The following LRRN3 variants were observed in gnomAD, a reference collection of about 807,000 sequenced individuals.
LRRN3 encodes leucine rich repeat neuronal 3, also known as leucine-rich repeat neuronal protein 3.
Under a neutral mutation model 40.1 loss-of-function variants are expected in LRRN3, and 15 were observed. The ratio of observed to expected loss-of-function variants is 0.37; its 90% CI spans 0.25 to 0.58. LRRN3 has a LOEUF of 0.58. LRRN3 is among the 20% of genes least tolerant of loss of function. The probability of loss-of-function intolerance (pLI) is 0.72; values close to 1 mark genes in which losing one functional copy is unlikely to be tolerated. For missense variants in LRRN3, 746 were observed against 837.7 expected, an observed-to-expected ratio of 0.89 and a Z score of 1.35; for synonymous variants, 308 against 297.2, an observed-to-expected ratio of 1.04 and a Z score of -0.37.
intron 2 of LRRN3, among the ~76,000 whole-genome samples, chr7:111,116,875 T>C (rs1799941022): frequency 6.6e-6 from 1 of 152,042 alleles, no homozygotes; most frequent in African/African-American, 2.4e-5. Context: ...AAATAAACAT[T>C]TGAGAGAAAG....
rs988971819 is a variant in LRRN3, at chr7:111,122,978, C to G, written c.206C>G (p.Ala69Gly). 24 of 1,613,914 alleles carry G rather than the reference C, an allele frequency of 1.5e-5. No individual in the cohort carries two copies. Among genetic ancestry groups the G allele is most frequent in the Non-Finnish European group, 2.0e-5 (24 of 1,179,960 alleles). ...TTAACTTTCCCAGCCAGATTGCCAGCTAACACACAGATTCTTCTCCTACAG... is the reference window on the plus strand; with the variant it reads ...TTAACTTTCCCAGCCAGATTGCCAGGTAACACACAGATTCTTCTCCTACAG... ...GLLTFPARLPANTQILLLQTN... is the reference protein window; with the variant it reads ...GLLTFPARLPGNTQILLLQTN... Residue 69 changes from alanine to glycine, a missense_variant, in exon 3 of 3, where the codon GCT becomes GGT. Ala to Gly is a moderately conservative substitution (Grantham distance 60). Coordinates refer to ENST00000308478, the MANE Select transcript of LRRN3 (RefSeq NM_001099658.2).
At chr7:111,091,546 T>A (rs970220098) in intron 1 of LRRN3, 42 bp downstream of exon 1, 6 of 152,202 alleles carry the variant, frequency 3.9e-5, no homozygotes, top group Non-Finnish European at 8.8e-5. Flanking sequence ...ACGTTCTATT[T>A]CTTGTCTCTT....
Position 111,123,786 on chromosome 7 carries a change from A to C in LRRN3, c.1014A>C (p.Ser338=), listed in dbSNP as rs886088738. 7 of 1,613,832 alleles carry C rather than the reference A, an allele frequency of 4.3e-6. No individual in the cohort carries two copies. The African/African-American group carries it at 6.7e-5, about 15-fold the overall frequency. ...NAFFRLPKLE[S]LMLNSNALSA... ...TTTTCAGACTCCCCAAGCTGGAATC[A>C]CTCATGCTGAACAGCAATGCTCTCA... is the stretch of plus-strand genomic sequence containing the variant. The change falls in exon 3 of 3, where the codon TCA becomes TCC. Residue 338 remains serine (S), a synonymous_variant. Coordinates refer to ENST00000308478, the MANE Select transcript of LRRN3 (RefSeq NM_001099658.2). This position sits in a 1 kb window ranked among gnomAD's most constrained non-coding sequence, Gnocchi z 6.4.
intron 2 of LRRN3, among the ~76,000 whole-genome samples, chr7:111,108,470 G>A (rs1798799297): frequency 6.6e-6 from 1 of 151,954 alleles, no homozygotes; most frequent in Non-Finnish European, 1.5e-5. Context: ...TATTACTAGA[G>A]ATATAATATA....
intron 1 of LRRN3, among the ~76,000 whole-genome samples, chr7:111,099,458 T>G (rs1309689042): frequency 1.3e-5 from 2 of 151,770 alleles, no homozygotes; most frequent in African/African-American, 2.4e-5. Flanking sequence ...AAACTGAGGA[T>G]GCTGAGCCAA....
At chr7:111,105,669 G>C (rs1309794453) in intron 2 of LRRN3, among the ~76,000 whole-genome samples, 2 of 151,674 alleles carry the variant, frequency 1.3e-5, no homozygotes, top group African/African-American at 4.8e-5. Context: ...TCTCCTGACA[G>C]GTCTATTTTC....
At chr7:111,103,628 GTAAGTT>G (rs1180042660) in intron 2 of LRRN3, among the ~76,000 whole-genome samples, 5 of 151,588 alleles carry the variant, frequency 3.3e-5, no homozygotes, top group African/African-American at 4.8e-5. Context: ...ATTTTCACCT[GTAAGTT>G]TAAGTTACAG....
intron 2 of LRRN3, among the ~76,000 whole-genome samples, chr7:111,104,089 A>T (rs966083974): frequency 3.3e-5 from 5 of 151,712 alleles, no homozygotes; most frequent in African/African-American, 1.2e-4. Context: ...ACAACTCTTC[A>T]TATCTCTGAG....
rs139997890 is a variant in LRRN3, at chr7:111,093,757, G to A, written c.-441+2253G>A. Among the ~76,000 whole-genome samples, 634 of 152,184 alleles carry A rather than the reference G, an allele frequency of 4.2e-3. 7 individuals carry two copies. Among genetic ancestry groups the A allele is most frequent in the African/African-American group, 0.015 (610 of 41,512 alleles). ...GTTTGGTGATTTGATCAGCACCTAC[G>A]AATGCCAGATGATGGACATTTGTGT... On this transcript the variant is annotated intron_variant, in intron 1 of 2. Transcript: ENST00000308478.
At chr7:111,098,357 C>T (rs988685186) in intron 1 of LRRN3, among the ~76,000 whole-genome samples, 2 of 151,726 alleles carry the variant, frequency 1.3e-5, no homozygotes, top group Non-Finnish European at 2.9e-5. Flanking sequence ...AAACCATTTC[C>T]TCAATCAATT....
chr7:111,111,818 C>A (rs559705394), intron 2 of LRRN3, among the ~76,000 whole-genome samples: 1 of 150,176 alleles, frequency 6.7e-6, no homozygotes. Flanking sequence ...CCATCCTGGG[C>A]GACAAAAGGA....
Position 111,123,110 on chromosome 7 carries a change from A to G in LRRN3, c.338A>G (p.Lys113Arg). Reference protein sequence around the residue: ...NLSSVTNINVKKMPQLLSVYL... With the variant: ...NLSSVTNINVRKMPQLLSVYL... ...TCTTCAGTCACCAATATTAATGTAA[A>G]AAAGATGCCTCAGCTCCTTTCTGTG... Residue 113 changes from lysine to arginine, a missense_variant, in exon 3 of 3, where the codon AAA becomes AGA. By Grantham distance (26) the Lys-to-Arg change is conservative. Transcript: ENST00000308478. This position sits in a 1 kb window ranked among gnomAD's most constrained non-coding sequence, Gnocchi z 6.4. 6.2e-7 allele frequency: 1 copy of G among 1,613,716 alleles called. No individual in the cohort carries two copies. The highest frequency in any genetic ancestry group is 8.5e-7 in the Non-Finnish European group (1 of 1,179,844).
intron 1 of LRRN3, among the ~76,000 whole-genome samples, chr7:111,092,853 T>C (rs1057320182): frequency 1.4e-4 from 22 of 152,218 alleles, no homozygotes; most frequent in African/African-American, 4.6e-4. Context: ...TTTCATCTTC[T>C]GGAGCTCTCT....
chr7:111,123,473 G>T lies in LRRN3; in HGVS notation c.701G>T (p.Gly234Val). The T allele has an allele frequency of 6.2e-7, 1 of 1,613,782 alleles. No homozygotes were observed. The highest frequency in any genetic ancestry group is 1.7e-4 in the Middle Eastern group (1 of 6,056). Residue 234 changes from glycine to valine, a missense_variant, in exon 3 of 3, where the codon GGA (glycine) becomes GTA (valine). Physicochemically the swap from Gly to Val is moderately radical, Grantham distance 109. Transcript: ENST00000308478. The surrounding 1 kb of genome is among the most constrained non-coding windows in gnomAD (Gnocchi z 6.4). Reference protein sequence around the residue: ...LTEIPDNALVGLENLESISFY... With the variant: ...LTEIPDNALVVLENLESISFY... ...GAAATACCAGATAACGCCTTGGTTG[G>T]ACTGGAAAACTTAGAAAGCATCTCT...
In LRRN3 at chr7:111,122,566, C is replaced by T. The variant is rs1586425871; in HGVS notation, c.-207C>T. The T allele has an allele frequency of 1.8e-6, 1 of 547,146 alleles. No homozygotes were observed. Among genetic ancestry groups the T allele is most frequent in the Non-Finnish European group, 3.2e-6 (1 of 309,520 alleles). 33.9% of individuals were successfully genotyped at this position (547,146 alleles called of 1,614,324 possible). A position where few individuals can be genotyped will look rare whatever the true frequency, so the allele number is the denominator to read the frequency against. ...ATTATATCATTAAGGAAATAGTAAC[C>T]TTCTCTTCTCCAATATGCATGACAT... On this transcript the variant is annotated 5_prime_UTR_variant, in exon 3 of 3. Transcript: ENST00000308478.
intron 2 of LRRN3, among the ~76,000 whole-genome samples, chr7:111,120,631 C>T (rs1413931160): frequency 6.6e-6 from 1 of 152,068 alleles, no homozygotes; most frequent in African/African-American, 2.4e-5. Context: ...AATAAAACAG[C>T]CAAATGTTAA....
At chr7:111,109,602 AC>A (rs1326901191) in intron 2 of LRRN3, among the ~76,000 whole-genome samples, 2 of 152,194 alleles carry the variant, frequency 1.3e-5, no homozygotes, top group African/African-American at 4.8e-5. Flanking sequence ...AGGAGCCATC[AC>A]TGATAATGCC....
At chr7:111,115,984 T>C (rs915007323) in intron 2 of LRRN3, among the ~76,000 whole-genome samples, 1 of 152,184 alleles carries the variant, frequency 6.6e-6, no homozygotes, top group Admixed American at 6.5e-5. Context: ...GCCGGAATTA[T>C]TGTTTAAAGA....
chr7:111,106,921 ATG>A lies in LRRN3; in HGVS notation c.-359+6960_-359+6961del, dbSNP rs1798612547. ...CATTCATTCAATAGTACCATGCAGA[ATG>A]ATTTGCTTAATAGCATTTCTAATAT... On this transcript the variant is annotated intron_variant, in intron 2 of 2. Coordinates refer to ENST00000308478, the MANE Select transcript of LRRN3 (RefSeq NM_001099658.2). 2.0e-5 allele frequency among the ~76,000 whole-genome samples: 3 copies of A among 151,938 alleles called. 1 individual carries two copies. Among genetic ancestry groups the A allele is most frequent in the Admixed American group, 1.3e-4 (2 of 15,204 alleles).
Sources: gnomAD v4.1 joint callset for allele counts (sites outside exome capture counted in the v4.1 genomes callset) on GRCh38, gnomAD v4.1.1 for gene constraint, Gnocchi (gnomAD v3.1) non-coding constraint, MANE v1.5 for transcripts, NCBI Gene and HGNC (gene_info 2026-07-23, HGNC 2026-07-21) for gene names.